The following PDIA6 variants were observed in gnomAD, a reference collection of about 807,000 sequenced individuals.
PDIA6 encodes protein disulfide-isomerase A6.
A neutral mutation model predicts 58.4 loss-of-function variants in PDIA6; 29 were observed. The observed-to-expected ratio is 0.50, with a 90% CI of 0.37 to 0.68. The LOEUF (loss-of-function observed/expected upper bound fraction) is 0.68. Among genes scored for constraint, PDIA6 ranks in the 30% least tolerant of loss-of-function variants. The pLI is 0.00. For missense variants in PDIA6, 480 were observed against 551.0 expected (o/e 0.87, Z 1.29); for synonymous variants, 192 against 202.6 (o/e 0.95, Z 0.44).
At chr2:10,810,012 A>C (rs912925321) in intron 1 of PDIA6, among the ~76,000 whole-genome samples, 1 of 152,182 alleles carries the variant, frequency 6.6e-6, no homozygotes, top group African/African-American at 2.4e-5. Flanking sequence ...AATTCTTATA[A>C]GAGAGATCTG....
chr2:10,819,574 T>C (rs1477676467), intron 1 of PDIA6, among the ~76,000 whole-genome samples: 1 of 152,200 alleles, frequency 6.6e-6, no homozygotes, highest in Non-Finnish European at 1.5e-5. Flanking sequence ...GAATGGAACA[T>C]CCTTCTTTTG....
chr2:10,828,540 C>T (rs1276811341), intron 1 of PDIA6, among the ~76,000 whole-genome samples: 2 of 152,178 alleles, frequency 1.3e-5, no homozygotes, highest in African/African-American at 2.4e-5. Context: ...ACCACCAGGG[C>T]CCAGGGCACT....
At chr2:10,812,652 G>A (rs759721123) in intron 1 of PDIA6, 26 bp downstream of exon 1, 14 of 1,521,596 alleles carry the variant, frequency 9.2e-6, no homozygotes, top group Non-Finnish European at 5.3e-6. Context: ...CAGCTCGCCC[G>A]CCTCCCTCCG....
intron 1 of PDIA6, among the ~76,000 whole-genome samples, chr2:10,826,639 C>A (rs913123719): frequency 7.2e-5 from 11 of 152,044 alleles, no homozygotes; most frequent in Non-Finnish European, 1.6e-4. Context: ...GGATTACAGG[C>A]GTGAGCCGCT....
chr2:10,795,802 G>A (rs957998588), intron 4 of PDIA6, among the ~76,000 whole-genome samples: 10 of 152,058 alleles, frequency 6.6e-5, no homozygotes, highest in Admixed American at 1.3e-4. Context: ...GCAAGTCACC[G>A]ATGACAGACA....
exon 2 of PDIA6, chr2:10,819,347 T>C: frequency 6.5e-7 from 1 of 1,529,964 alleles, no homozygotes. Flanking sequence ...CAGGAGAAGT[T>C]GGTGAGCCTG....
At chr2:10,790,360 T>A (rs1425579085) in intron 7 of PDIA6, among the ~76,000 whole-genome samples, 1 of 151,984 alleles carries the variant, frequency 6.6e-6, no homozygotes, top group African/African-American at 2.4e-5. Flanking sequence ...AATCAGGGAG[T>A]TTTAACAGTC....
intron 4 of PDIA6, among the ~76,000 whole-genome samples, chr2:10,795,210 C>T (rs746016204): frequency 7.9e-5 from 12 of 152,164 alleles, no homozygotes; most frequent in Admixed American, 1.3e-4. Context: ...CTGTCTATTG[C>T]AACTACTCAA....
intron 1 of PDIA6, among the ~76,000 whole-genome samples, chr2:10,824,179 C>T (rs1447766519): frequency 2.0e-5 from 3 of 151,316 alleles, no homozygotes; most frequent in African/African-American, 7.3e-5. Flanking sequence ...GTAGCCCAGA[C>T]TCTGCTTCAG....
intron 12 of PDIA6, 114 bp from the exon 13 acceptor site, chr2:10,784,440 T>C (rs1419531720): frequency 7.8e-6 from 6 of 771,058 alleles, no homozygotes; most frequent in Non-Finnish European, 1.0e-5. Context: ...ACAATCCAGG[T>C]TCTCCTCAGT....
chr2:10,791,941 T>C lies in PDIA6; in HGVS notation c.454-16A>G. 6.2e-7 allele frequency: 1 copy of C among 1,611,418 alleles called. No individual in the cohort carries two copies. Among genetic ancestry groups the C allele is most frequent in the Non-Finnish European group, 8.5e-7 (1 of 1,178,846 alleles). The stretch of plus-strand genomic sequence containing the variant: ...CACTTCTGCCCTGTCATTTATGACA[T>C]TAAACATCAAACAATTGGGCCAAGA... On this transcript the variant is annotated splice_polypyrimidine_tract_variant and intron_variant, in intron 5 of 12. Transcript: ENST00000272227.
rs1319640745 is a variant in PDIA6, at chr2:10,790,751, T to C, written c.667A>G (p.Thr223Ala). Residue 223 changes from threonine to alanine, a missense_variant, in exon 7 of 13, where the codon ACA becomes GCA. Thr to Ala is a moderately conservative substitution (Grantham distance 58, BLOSUM62 0). Transcript: ENST00000272227. ...CGGGAGGCCAGAACCTGATTGACTG[T>C]AGCATCCACAGCTGCCAGTTTCACT... ...GKVKLAAVDA[T>A]VNQVLASRYG... The C allele has an allele frequency of 1.2e-6, 2 of 1,613,920 alleles. No homozygotes were observed. Among genetic ancestry groups the C allele is most frequent in the Non-Finnish European group, 1.7e-6 (2 of 1,179,842 alleles).
At chr2:10,830,737 C>A (rs1667686892) in intron 1 of PDIA6, among the ~76,000 whole-genome samples, 1 of 152,224 alleles carries the variant, frequency 6.6e-6, no homozygotes, top group Non-Finnish European at 1.5e-5. Context: ...ACTGCCCCTC[C>A]AGGCCCTCGG....
intron 2 of PDIA6, among the ~76,000 whole-genome samples, chr2:10,818,677 T>A (rs80325720): frequency 6.6e-6 from 1 of 151,652 alleles, no homozygotes; most frequent in African/African-American, 2.4e-5. Flanking sequence ...TATGCCACCA[T>A]GCCTAGCTAA....
upstream of PDIA6, among the ~76,000 whole-genome samples, chr2:10,835,550 C>T (rs1667815310): frequency 6.6e-6 from 1 of 152,184 alleles, no homozygotes; most frequent in African/African-American, 2.4e-5. Context: ...GGGAGCCGGC[C>T]CGGCACACTC....
upstream of PDIA6, chr2:10,812,889 C>T: frequency 8.8e-7 from 1 of 1,136,602 alleles, no homozygotes; most frequent in Admixed American, 4.7e-5. Context: ...GGACATCGCT[C>T]ACTCACATAT....
Position 10,783,988 on chromosome 2 carries a change from A to G in PDIA6, c.*270T>C, listed in dbSNP as rs1665564867. 1 of 284,792 alleles carries G rather than the reference A, an allele frequency of 3.5e-6. No individual in the cohort carries two copies. The highest frequency in any genetic ancestry group is 6.5e-6 in the Non-Finnish European group (1 of 154,464). The allele number at this position is 284,792 out of a possible 1,614,324, so 17.6% of individuals were successfully genotyped here. A position where few individuals can be genotyped will look rare whatever the true frequency, so the allele number is the denominator to read the frequency against. Reference sequence around the variant, plus strand: ...AACATTCAAGCAGCAGTCAGAGAGAAAAATGTTTCGACAGCCAAGTTTTCT... The same window carrying G: ...AACATTCAAGCAGCAGTCAGAGAGAGAAATGTTTCGACAGCCAAGTTTTCT... On this transcript the variant is annotated 3_prime_UTR_variant, in exon 13 of 13. Transcript: ENST00000272227.
intron 7 of PDIA6, 143 bp downstream of exon 7, chr2:10,790,576 T>C (rs951471626): frequency 1.1e-5 from 7 of 623,174 alleles, no homozygotes; most frequent in Middle Eastern, 2.6e-4. Context: ...TTGTTAGTTA[T>C]GACAATAAAG....
intron 6 of PDIA6, among the ~76,000 whole-genome samples, chr2:10,791,157 T>G (rs1666018383): frequency 6.6e-6 from 1 of 152,026 alleles, no homozygotes. Context: ...TTTCTTTTTT[T>G]TTTTAAGACA....
Sources: allele counts gnomAD v4.1 joint callset (sites outside exome capture counted in the v4.1 genomes callset), GRCh38; gene constraint gnomAD v4.1.1; transcripts MANE v1.5; gene names NCBI Gene and HGNC (gene_info 2026-07-23, HGNC 2026-07-21).